Variants in TRIM66 observed in about 807,000 individuals in gnomAD.
TRIM66 encodes the protein tripartite motif containing 66, also known as tripartite motif-containing protein 66.
TRIM66 carries 99 observed loss-of-function variants against 148.2 expected under a neutral mutation model. The observed-to-expected ratio is 0.67, with a 90% CI of 0.57 to 0.79. TRIM66 has a LOEUF of 0.79. Ranked by LOEUF, TRIM66 falls within the 30% of genes least tolerant of loss-of-function variation. The probability of loss-of-function intolerance (pLI) is 0.00; values close to 1 mark genes in which losing one functional copy is unlikely to be tolerated. For synonymous variants in TRIM66, 616 were observed against 635.9 expected, an observed-to-expected ratio of 0.97 and a Z score of 0.47; for missense variants, 1,666 against 1,697.9, an observed-to-expected ratio of 0.98 and a Z score of 0.33.
At chr11:8,677,647 G>T (rs1159527330) in intron 3 of TRIM66, among the ~76,000 whole-genome samples, 1 of 152,056 alleles carries the variant, frequency 6.6e-6, no homozygotes, top group Non-Finnish European at 1.5e-5. Context: ...ACTAGGAAAT[G>T]AACCCAACTT....
chr11:8,661,742 T>G (rs1293716819), intron 6 of TRIM66, among the ~76,000 whole-genome samples: 1 of 152,194 alleles, frequency 6.6e-6, no homozygotes, highest in East Asian at 1.9e-4. Flanking sequence ...CAGGAGGGAT[T>G]GGAGATTAAG....
chr11:8,678,641 G>GA (rs368771381), intron 3 of TRIM66, among the ~76,000 whole-genome samples: 11 of 152,168 alleles, frequency 7.2e-5, no homozygotes, highest in African/African-American at 1.9e-4. Flanking sequence ...TTCTCACTTG[G>GA]AAAAAAAGCA....
At chr11:8,652,875 A>C (rs2037482746) in intron 6 of TRIM66, among the ~76,000 whole-genome samples, 1 of 152,276 alleles carries the variant, frequency 6.6e-6, no homozygotes, top group African/African-American at 2.4e-5. Flanking sequence ...ACTTATAGTC[A>C]GACAAATGTA....
Position 8,640,891 on chromosome 11 carries a change from G to GGCT in TRIM66, c.1481_1483dup (p.Gln494dup). 1 of 1,550,578 alleles carries GGCT rather than the reference G, an allele frequency of 6.4e-7. No homozygotes were observed. Among genetic ancestry groups the GGCT allele is most frequent in the African/African-American group, 1.4e-5 (1 of 73,126 alleles). The stretch of plus-strand genomic sequence containing the variant: ...CAGCTGCTGGGGCACCATCTCAGGG[G>GGCT]GCTGCCTGAAGCTGTGGGCTGGGTG... On this transcript the variant is annotated inframe_insertion, in exon 14 of 25. Transcript: ENST00000646038.
chr11:8,652,039 G>T, intron 6 of TRIM66, 136 bp from the exon 7 acceptor site: 1 of 662,922 alleles, frequency 1.5e-6, no homozygotes, highest in South Asian at 2.0e-5. Flanking sequence ...TACACTTGAT[G>T]CCATAGCCTG....
intron 15 of TRIM66, among the ~76,000 whole-genome samples, chr11:8,626,066 G>A (rs987670267): frequency 7.9e-5 from 12 of 152,018 alleles, no homozygotes; most frequent in Admixed American, 4.6e-4. Context: ...TTACATCTGA[G>A]GAGAAGAGAT....
In TRIM66 at chr11:8,669,205, T is replaced by C. The variant is rs1592199561; in HGVS notation, c.340+2581A>G. Among the ~76,000 whole-genome samples, 3 of 152,302 alleles carry C rather than the reference T, an allele frequency of 2.0e-5. No homozygotes were observed. In the South Asian group the frequency reaches 6.2e-4, roughly 32 times the overall value. ...TTATGTTGATGCATTGAGACTGCCA[T>C]CTCCTATTGCTGCTAATACCAACAG... is the stretch of plus-strand genomic sequence containing the variant. On this transcript the variant is annotated intron_variant, in intron 6 of 24. Transcript: ENST00000646038.
chr11:8,649,229 C>T (rs35904890), intron 8 of TRIM66, among the ~76,000 whole-genome samples: 2,816 of 152,244 alleles, frequency 0.018, 38 homozygotes, highest in Non-Finnish European at 0.029. Context: ...ATCCCAGCTA[C>T]TTGGGAGGCT....
intron 6 of TRIM66, 163 bp downstream of exon 6, chr11:8,671,623 G>C: frequency 1.7e-6 from 1 of 595,488 alleles, no homozygotes; most frequent in Non-Finnish European, 3.0e-6. Context: ...GCATCAAGAG[G>C]ATTCACTCTG....
chr11:8,655,016 A>G (rs927218063), intron 6 of TRIM66, among the ~76,000 whole-genome samples: 3 of 152,004 alleles, frequency 2.0e-5, no homozygotes, highest in Non-Finnish European at 2.9e-5. Context: ...ACCTGCCACT[A>G]CGCCTGGCTA....
chr11:8,621,195 G>A lies in TRIM66; in HGVS notation c.3382C>T (p.Leu1128Phe). The A allele has an allele frequency of 6.4e-7, 1 of 1,551,734 alleles. No individual in the cohort carries two copies. Among genetic ancestry groups the A allele is most frequent in the Non-Finnish European group, 8.7e-7 (1 of 1,146,990 alleles). Residue 1128 changes from leucine (L) to phenylalanine (F), a missense_variant, in exon 20 of 25, where the codon CTC becomes TTC. Around this residue, in one of 3 missense-constraint regions of TRIM66, gnomAD observed 1,431 missense variants for 1,412.4 expected, o/e 1.01. Transcript: ENST00000646038. ...TTGGCTCCTGGGGTTCGAGGAATGA[G>A]TCTGTGTTCTTCAGGAGATGTGCCC... ...VEGTSPEEHRLIPRTPGAKKG... is the reference protein window; with the variant it reads ...VEGTSPEEHRFIPRTPGAKKG...
chr11:8,656,756 G>A lies in TRIM66; in HGVS notation c.341-4853C>T, dbSNP rs560188771. 8.5e-5 allele frequency among the ~76,000 whole-genome samples: 13 copies of A among 152,318 alleles called. No homozygotes were observed. In the South Asian group the frequency reaches 2.5e-3, roughly 29 times the overall value. ...TCCCCTGTGGCTGAGCCTGATAGCT[G>A]TCTCCTGTATCATGCAGCTGAGAAA... On this transcript the variant is annotated intron_variant, in intron 6 of 24. Transcript: ENST00000646038.
At chr11:8,620,695 T>C in intron 20 of TRIM66, 123 bp from the exon 21 acceptor site, 1 of 1,419,440 alleles carries the variant, frequency 7.0e-7, no homozygotes, top group Non-Finnish European at 9.3e-7. Context: ...AAGAAATGGC[T>C]TTCTAGCCAC....
chr11:8,682,703 C>T (rs2039502946), upstream of TRIM66: 2 of 1,347,852 alleles, frequency 1.5e-6, no homozygotes, highest in Admixed American at 3.5e-5. Flanking sequence ...CCAGGAGGCC[C>T]CGCCCGAAGC....
At chr11:8,678,276 T>C (rs1480402869) in intron 3 of TRIM66, 1 of 152,018 alleles carries the variant, frequency 6.6e-6, no homozygotes, top group Non-Finnish European at 1.5e-5. Flanking sequence ...AAAAACAAAA[T>C]ACACAAGAAA....
chr11:8,666,341 GAAAAAAAAAA>G (rs558326812), intron 6 of TRIM66, among the ~76,000 whole-genome samples: 269 of 23,536 alleles, frequency 0.011, 1 homozygote, highest in African/African-American at 0.024. Flanking sequence ...CTCCGCCTCA[GAAAAAAAAAA>G]AAAAAAAAAA....
At chr11:8,634,872 G>C (rs1229455002) in intron 15 of TRIM66, among the ~76,000 whole-genome samples, 1 of 151,862 alleles carries the variant, frequency 6.6e-6, no homozygotes, top group Non-Finnish European at 1.5e-5. Flanking sequence ...AAAGGTGCGT[G>C]GTGCCACAGG....
In TRIM66 at chr11:8,646,429, C is replaced by A; in HGVS notation, c.957+18G>T. On this transcript the variant is annotated intron_variant, in intron 11 of 24. Coordinates refer to ENST00000646038, the MANE Select transcript of TRIM66 (RefSeq NM_001388022.1). ...TGGTTTCTGAACCCAACCATCTGATCCATCTGTCTATACATACCTCTAATT... is the reference window on the plus strand; with the variant it reads ...TGGTTTCTGAACCCAACCATCTGATACATCTGTCTATACATACCTCTAATT... 6.5e-7 allele frequency: 1 copy of A among 1,545,388 alleles called. No homozygotes were observed. Among genetic ancestry groups the A allele is most frequent in the Middle Eastern group, 1.7e-4 (1 of 5,986 alleles).
At chr11:8,636,872 C>T (rs1042136063) in intron 15 of TRIM66, among the ~76,000 whole-genome samples, 1 of 152,174 alleles carries the variant, frequency 6.6e-6, no homozygotes, top group Non-Finnish European at 1.5e-5. Context: ...GAAGGCCTTA[C>T]AGCCCCTCTG....
Sources: gnomAD v4.1 joint callset for allele counts (sites outside exome capture counted in the v4.1 genomes callset) on GRCh38, gnomAD v4.1.1 for gene constraint, gnomAD v4.1.1 regional missense constraint, MANE v1.5 for transcripts, NCBI Gene and HGNC (gene_info 2026-07-23, HGNC 2026-07-21) for gene names.